Variants in FBXO25 observed in about 807,000 individuals in gnomAD.
FBXO25 encodes F-box protein 25.
A neutral mutation model predicts 51.9 loss-of-function variants in FBXO25; 45 were observed. That is an observed-to-expected ratio of 0.87 (90% CI 0.68 to 1.11). The LOEUF (loss-of-function observed/expected upper bound fraction) is 1.11. Ranked by LOEUF, FBXO25 falls within the 50% of genes most tolerant of loss-of-function variation. The pLI, the probability that FBXO25 is intolerant of heterozygous loss-of-function variation, is 0.00. For missense variants in FBXO25, 507 were observed against 428.5 expected (o/e 1.18, Z -1.62); for synonymous variants, 199 against 151.0 (o/e 1.32, Z -2.33).
chr8:462,980 A>T (rs767250628), intron 8 of FBXO25, 27 bp from the exon 9 acceptor site: 25 of 1,590,148 alleles, frequency 1.6e-5, no homozygotes, highest in Admixed American at 9.4e-5. Flanking sequence ...TCTTATGCGG[A>T]TTCTGAATGG....
At chr8:452,771 C>T (rs1799177205) in intron 7 of FBXO25, among the ~76,000 whole-genome samples, 1 of 152,194 alleles carries the variant, frequency 6.6e-6, no homozygotes, top group South Asian at 2.1e-4. Flanking sequence ...GAGAGATGTG[C>T]ACCGGTGGAG....
At chr8:442,466 T>C (rs1477945625) in intron 5 of FBXO25, among the ~76,000 whole-genome samples, 1 of 152,126 alleles carries the variant, frequency 6.6e-6, no homozygotes, top group East Asian at 1.9e-4. Flanking sequence ...ATTTCCACTT[T>C]AGTTTTTTAT....
In FBXO25 at chr8:472,755, T is replaced by C. The variant is rs1427263616; in HGVS notation, c.*3951T>C. On this transcript the variant is annotated 3_prime_UTR_variant, in exon 10 of 10. Coordinates refer to ENST00000350302, the MANE Select transcript of FBXO25 (RefSeq NM_183420.2). Reference sequence around the variant, plus strand: ...TGCCTTTTAATGGTTTTTCTTTTCATTGCGAAGGCCTAACTTAGTAGATAA... The same window carrying C: ...TGCCTTTTAATGGTTTTTCTTTTCACTGCGAAGGCCTAACTTAGTAGATAA... The C allele has an allele frequency of 6.6e-6, 1 of 152,244 alleles. No homozygotes were observed. The highest frequency in any genetic ancestry group is 2.4e-5 in the African/African-American group (1 of 41,472). The allele number at this position is 152,244 out of a possible 1,614,324, so 9.4% of individuals were successfully genotyped here. A position where few individuals can be genotyped will look rare whatever the true frequency, so the allele number is the denominator to read the frequency against.
Position 442,449 on chromosome 8 carries a change from G to A in FBXO25, c.381+6742G>A, listed in dbSNP as rs528106573. On this transcript the variant is annotated intron_variant, in intron 5 of 9. Coordinates refer to ENST00000350302, the MANE Select transcript of FBXO25 (RefSeq NM_183420.2). The stretch of plus-strand genomic sequence containing the variant: ...AACTGCATAGTTAGAAAGAAGCAGA[G>A]GAAGTTATTTCCACTTTAGTTTTTT... Among the ~76,000 whole-genome samples the A allele has an allele frequency of 3.3e-5, 5 of 152,142 alleles. No homozygotes were observed. The East Asian group carries it at 9.7e-4, about 29-fold the overall frequency.
chr8:447,141 C>G (rs1052396354), intron 5 of FBXO25, among the ~76,000 whole-genome samples: 1 of 152,182 alleles, frequency 6.6e-6, no homozygotes, highest in Non-Finnish European at 1.5e-5. Context: ...CGCAGATGTT[C>G]AACTCCAGCT....
At chr8:453,983 G>A (rs1799259580) in intron 7 of FBXO25, among the ~76,000 whole-genome samples, 1 of 152,130 alleles carries the variant, frequency 6.6e-6, no homozygotes, top group Admixed American at 6.5e-5. Flanking sequence ...AATTGGCCAG[G>A]TGTGGTGGCA....
At position 467,844 on chromosome 8, in the gene FBXO25, T is replaced by A. The variant is rs531587898; in HGVS notation, c.988-871T>A. Reference sequence around the variant, plus strand: ...CATCTTGGCCACTGCCCGGCTCGATTCCAGCTCTCGCTGACTTGAGCTTTC... The same window carrying A: ...CATCTTGGCCACTGCCCGGCTCGATACCAGCTCTCGCTGACTTGAGCTTTC... On this transcript the variant is annotated intron_variant, in intron 9 of 9. Coordinates refer to ENST00000350302, the MANE Select transcript of FBXO25 (RefSeq NM_183420.2). 8.1e-6 allele frequency: 13 copies of A among 1,596,692 alleles called. 1 individual carries two copies. In the East Asian group the frequency reaches 2.7e-4, roughly 33 times the overall value.
At chr8:468,618 G>T in intron 9 of FBXO25, 97 bp from the exon 10 acceptor site, 1 of 878,182 alleles carries the variant, frequency 1.1e-6, no homozygotes, top group East Asian at 2.6e-5. Flanking sequence ...GGGGCCCAGG[G>T]TCCACATCAA....
At chr8:427,723 CA>C (rs1563071580) in intron 2 of FBXO25, among the ~76,000 whole-genome samples, 2 of 149,302 alleles carry the variant, frequency 1.3e-5, no homozygotes, top group African/African-American at 5.0e-5. Context: ...ATTATTAAAA[CA>C]AATCATTCAC....
chr8:466,455 G>T (rs557683198), intron 9 of FBXO25, among the ~76,000 whole-genome samples: 1 of 152,204 alleles, frequency 6.6e-6, no homozygotes, highest in Non-Finnish European at 1.5e-5. Flanking sequence ...GGCACTTAGG[G>T]TTAGGGTCAC....
chr8:408,191 A>C (rs1343205220), intron 1 of FBXO25, among the ~76,000 whole-genome samples: 3 of 152,184 alleles, frequency 2.0e-5, no homozygotes, highest in African/African-American at 7.2e-5. Flanking sequence ...TTATAAGCAA[A>C]ACAAATAGGG....
rs577737681 is a variant in FBXO25, at chr8:468,012, A to C, written c.988-703A>C. The C allele has an allele frequency of 9.1e-6, 12 of 1,315,460 alleles. No homozygotes were observed. In the African/African-American group the frequency reaches 1.2e-4, roughly 13 times the overall value. 81.5% of individuals were successfully genotyped at this position (1,315,460 alleles called of 1,614,324 possible). A position where few individuals can be genotyped will look rare whatever the true frequency, so the allele number is the denominator to read the frequency against. ...GCGCATAAACACTTCACCACACAGC[A>C]CCTGGTTTGGCAGCACTGCCAGGGC... On this transcript the variant is annotated intron_variant, in intron 9 of 9. Transcript: ENST00000350302.
At chr8:446,380 T>A (rs1798739443) in intron 5 of FBXO25, among the ~76,000 whole-genome samples, 1 of 152,210 alleles carries the variant, frequency 6.6e-6, no homozygotes, top group Admixed American at 6.5e-5. Flanking sequence ...CATGTCTTAG[T>A]GCTGTAGGGC....
At chr8:453,184 T>A (rs548563498) in intron 7 of FBXO25, among the ~76,000 whole-genome samples, 170 of 152,362 alleles carry the variant, frequency 1.1e-3, no homozygotes, top group Middle Eastern at 0.01. Flanking sequence ...AATTAATGTT[T>A]AATCTTTGGG....
intron 7 of FBXO25, among the ~76,000 whole-genome samples, chr8:456,335 G>C (rs548773948): frequency 6.6e-6 from 1 of 152,102 alleles, no homozygotes; most frequent in Non-Finnish European, 1.5e-5. Flanking sequence ...TCAGCCTCCT[G>C]GGTGGCTGGG....
chr8:432,800 A>C lies in FBXO25; in HGVS notation c.239-86A>C, dbSNP rs577416082. On this transcript the variant is annotated intron_variant, in intron 3 of 9. Transcript: ENST00000350302. ...TATAGTAAGTCAGATAATTTTGTTAACATGTCCAATTATTTAAATTCCTTT... is the reference window on the plus strand; with the variant it reads ...TATAGTAAGTCAGATAATTTTGTTACCATGTCCAATTATTTAAATTCCTTT... 90 of 1,382,746 alleles carry C rather than the reference A, an allele frequency of 6.5e-5. No homozygotes were observed. The Admixed American group carries it at 1.1e-3, about 16-fold the overall frequency. The allele number at this position is 1,382,746 out of a possible 1,614,324, so 85.7% of individuals were successfully genotyped here.
intron 5 of FBXO25, among the ~76,000 whole-genome samples, chr8:447,961 C>T (rs889772569): frequency 2.6e-5 from 4 of 151,542 alleles, no homozygotes; most frequent in African/African-American, 9.7e-5. Flanking sequence ...ACCACAGAGG[C>T]GAAGGTGGGA....
chr8:416,667 G>A (rs1245325118), intron 2 of FBXO25, among the ~76,000 whole-genome samples: 1 of 151,996 alleles, frequency 6.6e-6, no homozygotes, highest in Non-Finnish European at 1.5e-5. Flanking sequence ...CTCCTTTGTT[G>A]GGTAGATAAA....
At chr8:461,443 G>A (rs1161889164) in intron 8 of FBXO25, among the ~76,000 whole-genome samples, 1 of 152,212 alleles carries the variant, frequency 6.6e-6, no homozygotes, top group Admixed American at 6.5e-5. Context: ...GAGAGCATGT[G>A]CAGGGGAACT....
Sources: allele counts gnomAD v4.1 joint callset (sites outside exome capture counted in the v4.1 genomes callset), GRCh38; gene constraint gnomAD v4.1.1; transcripts MANE v1.5; gene names NCBI Gene and HGNC (gene_info 2026-07-23, HGNC 2026-07-21).